Variants in HOXA13 observed in about 807,000 individuals in gnomAD.
The protein encoded by HOXA13 is homeobox A13.
A neutral mutation model predicts 25.7 loss-of-function variants in HOXA13; 5 were observed. The ratio of observed to expected loss-of-function variants is 0.19; its 90% CI spans 0.10 to 0.41. The LOEUF (loss-of-function observed/expected upper bound fraction) is 0.41. HOXA13 is among the 10% of genes least tolerant of loss of function. HOXA13 has a pLI of 1.00. For missense variants in HOXA13, 557 were observed against 533.5 expected (o/e 1.04, Z -0.43); for synonymous variants, 284 against 241.1 (o/e 1.18, Z -1.65).
chr7:27,198,423 C>A lies in HOXA13; in HGVS notation c.942G>T (p.Ser314=), dbSNP rs1389917328. The A allele has an allele frequency of 6.2e-7, 1 of 1,613,998 alleles. No homozygotes were observed. Among genetic ancestry groups the A allele is most frequent in the Admixed American group, 1.7e-5 (1 of 60,026 alleles). The change falls in exon 2 of 2, where the codon TCG becomes TCT. Residue 314 remains serine (S), a synonymous_variant. Coordinates refer to ENST00000649031, the MANE Select transcript of HOXA13 (RefSeq NM_000522.5). The part of the protein sequence containing the change: ...STLPDVVSHP[S]DASSYRRGRK... Reference sequence around the variant, plus strand: ...TCCCCCTCCTATAGGAGCTGGCATCCGAGGGATGGGAGACCACGTCTAGAA... The same window carrying A: ...TCCCCCTCCTATAGGAGCTGGCATCAGAGGGATGGGAGACCACGTCTAGAA...
rs1422670903 is a variant in HOXA13 at position 27,199,918 on chromosome 7, C to G, written c.160G>C (p.Gly54Arg). ...GCCGGGTGGGGGAAGCCCCCGCCCC[C>G]GGCCCCGGCAGCCGCCGCCGCTGCA... Reference protein sequence around the residue: ...AAAAAAAAGAGGGGFPHPAAA... With the variant: ...AAAAAAAAGARGGGFPHPAAA... Residue 54 changes from glycine to arginine, a missense_variant, in exon 1 of 2, where the codon GGG becomes CGG. Coordinates refer to ENST00000649031, the MANE Select transcript of HOXA13 (RefSeq NM_000522.5). 4 of 1,212,310 alleles carry G rather than the reference C, an allele frequency of 3.3e-6. No homozygotes were observed. Among genetic ancestry groups the G allele is most frequent in the Non-Finnish European group, 4.2e-6 (4 of 957,304 alleles). 75.1% of individuals were successfully genotyped at this position (1,212,310 alleles called of 1,614,324 possible). A position where few individuals can be genotyped will look rare whatever the true frequency, so the allele number is the denominator to read the frequency against.
Position 27,196,318 on chromosome 7 carries a change from A to C in HOXA13, c.*1880T>G, listed in dbSNP as rs1784003502. The C allele has an allele frequency of 6.6e-6, 1 of 152,176 alleles. No individual in the cohort carries two copies. The highest frequency in any genetic ancestry group is 1.5e-5 in the Non-Finnish European group (1 of 68,030). The allele number at this position is 152,176 out of a possible 1,614,324, so 9.4% of individuals were successfully genotyped here. A position where few individuals can be genotyped will look rare whatever the true frequency, so the allele number is the denominator to read the frequency against. On this transcript the variant is annotated 3_prime_UTR_variant, in exon 2 of 2. Coordinates refer to ENST00000649031, the MANE Select transcript of HOXA13 (RefSeq NM_000522.5). ...GAGTACTGAATCTCTAAAGTCAAGG[A>C]GGTAAGAGCTCTTGATTCCCTTGGT...
At position 27,199,812 on chromosome 7, in the gene HOXA13, T is replaced by C; in HGVS notation, c.266A>G (p.Asn89Ser). ...AAAAAANQCR[N>S]LMAHPAPLAP... ...CAAGGGCGCCGGGTGCGCCATCAGG[T>C]TGCGGCACTGGTTGGCCGCGGCCGC... Residue 89 changes from asparagine to serine, a missense_variant, in exon 1 of 2, where the codon AAC becomes AGC. Transcript: ENST00000649031. 2 of 1,004,672 alleles carry C rather than the reference T, an allele frequency of 2.0e-6. No individual in the cohort carries two copies. Among genetic ancestry groups the C allele is most frequent in the Non-Finnish European group, 2.4e-6 (2 of 841,326 alleles). The allele number at this position is 1,004,672 out of a possible 1,614,324, so 62.2% of individuals were successfully genotyped here. A position where few individuals can be genotyped will look rare whatever the true frequency, so the allele number is the denominator to read the frequency against.
At position 27,197,657 on chromosome 7, in the gene HOXA13, T is replaced by A. The variant is rs1013332650; in HGVS notation, c.*541A>T. ...ACAGCAAATATTCCAAGATCATTAT[T>A]TCAGTACCTTCTCGTTTCCCCTCTA... is the stretch of plus-strand genomic sequence containing the variant. On this transcript the variant is annotated 3_prime_UTR_variant, in exon 2 of 2. Coordinates refer to ENST00000649031, the MANE Select transcript of HOXA13 (RefSeq NM_000522.5). 13 of 234,842 alleles carry A rather than the reference T, an allele frequency of 5.5e-5. No individual in the cohort carries two copies. The highest frequency in any genetic ancestry group is 2.0e-4 in the African/African-American group (9 of 44,992). 14.5% of individuals were successfully genotyped at this position (234,842 alleles called of 1,614,324 possible).
At position 27,199,755 on chromosome 7, in the gene HOXA13, G is replaced by A; in HGVS notation, c.323C>T (p.Ala108Val). Residue 108 changes from alanine to valine, a missense_variant, in exon 1 of 2, where the codon GCC (alanine) becomes GTC (valine). By Grantham distance (64) the Ala-to-Val change is moderately conservative. Transcript: ENST00000649031. The stretch of plus-strand genomic sequence containing the variant: ...AGCCGACGGGGGCGCCTCCCCGGGG[G>A]CGCTGCTGTAGGCGGACGCGGCTCC... ...APGAASAYSS[A>V]PGEAPPSAAA... 2 of 1,006,562 alleles carry A rather than the reference G, an allele frequency of 2.0e-6. No individual in the cohort carries two copies. The highest frequency in any genetic ancestry group is 2.4e-6 in the Non-Finnish European group (2 of 841,686). The allele number at this position is 1,006,562 out of a possible 1,614,324, so 62.4% of individuals were successfully genotyped here.
rs746302269 is a variant in HOXA13, at chr7:27,199,491, T to A, written c.587A>T (p.Gln196Leu). Residue 196 changes from glutamine to leucine, a missense_variant, in exon 1 of 2, where the codon CAG becomes CTG. Physicochemically the swap from Gln to Leu is moderately radical, Grantham distance 113 (BLOSUM62 -2). Coordinates refer to ENST00000649031, the MANE Select transcript of HOXA13 (RefSeq NM_000522.5). ...GGCGGCGGCGGCGGCCGAGGCGGGCTGCGCGCACGACTTGATGGCGTTGGG... is the reference window on the plus strand; with the variant it reads ...GGCGGCGGCGGCGGCCGAGGCGGGCAGCGCGCACGACTTGATGGCGTTGGG... Reference protein sequence around the residue: ...PHPNAIKSCAQPASAAAAAAF... With the variant: ...PHPNAIKSCALPASAAAAAAF... 1.2e-6 allele frequency: 2 copies of A among 1,606,064 alleles called. No individual in the cohort carries two copies. The highest frequency in any genetic ancestry group is 2.2e-5 in the South Asian group (2 of 90,652).
In HOXA13 at chr7:27,199,839, G is replaced by C. The variant is rs1434029993; in HGVS notation, c.239C>G (p.Ala80Gly). 2 of 989,526 alleles carry C rather than the reference G, an allele frequency of 2.0e-6. No individual in the cohort carries two copies. The highest frequency in any genetic ancestry group is 2.2e-4 in the East Asian group (2 of 9,068). The allele number at this position is 989,526 out of a possible 1,614,324, so 61.3% of individuals were successfully genotyped here. Reference protein sequence around the residue: ...FSVAAAAAAAAAAAANQCRNL... With the variant: ...FSVAAAAAAAGAAAANQCRNL... ...GCGGCACTGGTTGGCCGCGGCCGCC[G>C]CCGCAGCCGCGGCCGCCGCCGCCAC... is the stretch of plus-strand genomic sequence containing the variant. The change falls in exon 1 of 2, where the codon GCG (alanine) becomes GGG (glycine). Residue 80 changes from alanine (A) to glycine (G), a missense_variant. Transcript: ENST00000649031.
intron 1 of HOXA13, 200 bp from the exon 2 acceptor site, chr7:27,198,642 C>G: frequency 1.6e-6 from 1 of 639,078 alleles, no homozygotes; most frequent in Non-Finnish European, 2.7e-6. Flanking sequence ...ACCCAGGGCT[C>G]CAGTGACTTC....
rs1562521175 is a variant in HOXA13 at position 27,199,312 on chromosome 7, G to A, written c.766C>T (p.Pro256Ser). The change falls in exon 1 of 2, where the codon CCG (proline) becomes TCG (serine). Residue 256 changes from proline (P) to serine (S), a missense_variant. Pro to Ser is a moderately conservative substitution (Grantham distance 74). Transcript: ENST00000649031. ...MPGYLDMPVV[P>S]GLGGPGESRH... ...GACTCGCCGGGGCCCCCGAGGCCCG[G>A]CACCACTGGCATATCCAGGTAGCCA... 6.2e-7 allele frequency: 1 copy of A among 1,613,984 alleles called. No homozygotes were observed. The highest frequency in any genetic ancestry group is 8.5e-7 in the Non-Finnish European group (1 of 1,179,976).
In HOXA13 at chr7:27,197,980, C is replaced by A; in HGVS notation, c.*218G>T. On this transcript the variant is annotated 3_prime_UTR_variant, in exon 2 of 2. Transcript: ENST00000649031. The stretch of plus-strand genomic sequence containing the variant: ...TAACGGGCTGGGCTGATGGGGTTGG[C>A]GGAAGAACTGGCAGTCTTTACCTTT... 1.7e-6 allele frequency: 1 copy of A among 599,126 alleles called. No homozygotes were observed. Among genetic ancestry groups the A allele is most frequent in the South Asian group, 2.0e-5 (1 of 50,026 alleles). 37.1% of individuals were successfully genotyped at this position (599,126 alleles called of 1,614,324 possible). A position where few individuals can be genotyped will look rare whatever the true frequency, so the allele number is the denominator to read the frequency against.
Position 27,194,791 on chromosome 7 carries a change from G to T in HOXA13, c.*3407C>A, listed in dbSNP as rs1004690152. The T allele has an allele frequency of 1.3e-5, 2 of 152,338 alleles. No homozygotes were observed. The highest frequency in any genetic ancestry group is 3.9e-4 in the East Asian group (2 of 5,190). The allele number at this position is 152,338 out of a possible 1,614,324, so 9.4% of individuals were successfully genotyped here. On this transcript the variant is annotated 3_prime_UTR_variant, in exon 2 of 2. Transcript: ENST00000649031. The stretch of plus-strand genomic sequence containing the variant: ...AAAGAAGGCTACTACTTTACCCAGG[G>T]TTCCTGTAGTGGTGATGGCTTTCGA...
At position 27,197,019 on chromosome 7, in the gene HOXA13, T is replaced by C. The variant is rs961969634; in HGVS notation, c.*1179A>G. On this transcript the variant is annotated 3_prime_UTR_variant, in exon 2 of 2. Coordinates refer to ENST00000649031, the MANE Select transcript of HOXA13 (RefSeq NM_000522.5). ...TTCACAGTGTGCTGAATGTCTTTAT[T>C]TACAAGATATCATTCTATAGTGAAT... The C allele has an allele frequency of 1.0e-5, 2 of 198,642 alleles. No homozygotes were observed. The highest frequency in any genetic ancestry group is 2.1e-5 in the Non-Finnish European group (2 of 95,890). The allele number at this position is 198,642 out of a possible 1,614,324, so 12.3% of individuals were successfully genotyped here.
Position 27,199,643 on chromosome 7 carries a change from C to A in HOXA13, c.435G>T (p.Ala145=). Residue 145 remains alanine, a synonymous_variant, in exon 1 of 2, where the codon GCG becomes GCT. Transcript: ENST00000649031. Reference sequence around the variant, plus strand: ...TGCATTGCTTGGCGGCCTCTGCGCCCGCCGGGCCCGCCGGGCCGGGACCTC... The same window carrying A: ...TGCATTGCTTGGCGGCCTCTGCGCCAGCCGGGCCCGCCGGGCCGGGACCTC... ...SSGGPGPAGP[A]GAEAAKQCSP... is the part of the protein sequence containing the mutation. 7.8e-7 allele frequency: 1 copy of A among 1,278,762 alleles called. No individual in the cohort carries two copies. The highest frequency in any genetic ancestry group is 9.8e-7 in the Non-Finnish European group (1 of 1,019,608). The allele number at this position is 1,278,762 out of a possible 1,614,324, so 79.2% of individuals were successfully genotyped here.
Position 27,197,606 on chromosome 7 carries a change from A to C in HOXA13, c.*592T>G. ...ACTACCAAGACAAATGATCCTCAGA[A>C]GAGTTTTCTCTCCCTTTCTCCCTTC... On this transcript the variant is annotated 3_prime_UTR_variant, in exon 2 of 2. Transcript: ENST00000649031. The C allele has an allele frequency of 4.4e-6, 1 of 225,604 alleles. No individual in the cohort carries two copies. The allele number at this position is 225,604 out of a possible 1,614,324, so 14.0% of individuals were successfully genotyped here.
chr7:27,198,086 C>G lies in HOXA13; in HGVS notation c.*112G>C. 1 of 1,226,640 alleles carries G rather than the reference C, an allele frequency of 8.2e-7. No homozygotes were observed. The highest frequency in any genetic ancestry group is 1.2e-6 in the Non-Finnish European group (1 of 843,490). The allele number at this position is 1,226,640 out of a possible 1,614,324, so 76.0% of individuals were successfully genotyped here. A position where few individuals can be genotyped will look rare whatever the true frequency, so the allele number is the denominator to read the frequency against. ...GAGAGGAAAATGCCAGTCTCTGTCT[C>G]TTTCTCTTTCCCATTCTTCAATTAT... is the stretch of plus-strand genomic sequence containing the variant. On this transcript the variant is annotated 3_prime_UTR_variant, in exon 2 of 2. Transcript: ENST00000649031.
At position 27,199,303 on chromosome 7, in the gene HOXA13, C is replaced by G. The variant is rs1784054190; in HGVS notation, c.775G>C (p.Gly259Arg). The change falls in exon 1 of 2, where the codon GGG (glycine) becomes CGG (arginine). Residue 259 changes from glycine (G) to arginine (R), a missense_variant. Gly to Arg is a moderately radical substitution (Grantham distance 125). Coordinates refer to ENST00000649031, the MANE Select transcript of HOXA13 (RefSeq NM_000522.5). Reference protein sequence around the residue: ...YLDMPVVPGLGGPGESRHEPL... With the variant: ...YLDMPVVPGLRGPGESRHEPL... ...TCGTGGCGCGACTCGCCGGGGCCCC[C>G]GAGGCCCGGCACCACTGGCATATCC... 9.3e-6 allele frequency: 15 copies of G among 1,613,974 alleles called. No homozygotes were observed. The highest frequency in any genetic ancestry group is 1.3e-5 in the African/African-American group (1 of 75,056).
Position 27,199,319 on chromosome 7 carries a change from T to A in HOXA13, c.759A>T (p.Pro253=). 6.2e-7 allele frequency: 1 copy of A among 1,613,988 alleles called. No individual in the cohort carries two copies. Among genetic ancestry groups the A allele is most frequent in the Non-Finnish European group, 8.5e-7 (1 of 1,179,960 alleles). ...CGGGGCCCCCGAGGCCCGGCACCAC[T>A]GGCATATCCAGGTAGCCAGGCATGG... ...HQPMPGYLDM[P]VVPGLGGPGE... The change falls in exon 1 of 2, where the codon CCA becomes CCT. Residue 253 remains proline (P), a synonymous_variant. Coordinates refer to ENST00000649031, the MANE Select transcript of HOXA13 (RefSeq NM_000522.5).
chr7:27,198,236 C>T lies in HOXA13; in HGVS notation c.1129G>A (p.Glu377Lys). The change falls in exon 2 of 2, where the codon GAG becomes AAG. Residue 377 changes from glutamate to lysine, a missense_variant. Coordinates refer to ENST00000649031, the MANE Select transcript of HOXA13 (RefSeq NM_000522.5). The stretch of plus-strand genomic sequence containing the variant: ...TTCAGTTTGTTGATGACTTTTTTCT[C>T]TTTAACCCTCCTGTTCTGGAACCAG... Reference protein sequence around the residue: ...TIWFQNRRVKEKKVINKLKTT... With the variant: ...TIWFQNRRVKKKKVINKLKTT... The T allele has an allele frequency of 6.2e-7, 1 of 1,614,136 alleles. No homozygotes were observed.
rs1784066808 is a variant in HOXA13, at chr7:27,199,700, T to A, written c.378A>T (p.Ala126=). ...ACGACGCGGCGGCGGCGGCGGCGGC[T>A]GCAGCGGCAGCCGCGGCAGCAGCGG... ...AAAAAAAAAA[A]AAAAAAASSS... The change falls in exon 1 of 2, where the codon GCA becomes GCT. Residue 126 remains alanine, a synonymous_variant. Transcript: ENST00000649031. 2 of 1,071,394 alleles carry A rather than the reference T, an allele frequency of 1.9e-6. No homozygotes were observed. Among genetic ancestry groups the A allele is most frequent in the Non-Finnish European group, 2.3e-6 (2 of 888,374 alleles). The allele number at this position is 1,071,394 out of a possible 1,614,324, so 66.4% of individuals were successfully genotyped here. A position where few individuals can be genotyped will look rare whatever the true frequency, so the allele number is the denominator to read the frequency against.
Sources: gnomAD v4.1 joint callset for allele counts on GRCh38, gnomAD v4.1.1 for gene constraint, MANE v1.5 for transcripts, NCBI Gene and HGNC (gene_info 2026-07-23, HGNC 2026-07-21) for gene names.